The following PID1 variants were observed in gnomAD, a reference collection of about 807,000 sequenced individuals.
PID1 encodes PTB-containing, cubilin and LRP1-interacting protein.
A neutral mutation model predicts 19.1 loss-of-function variants in PID1; 10 were observed. The ratio of observed to expected loss-of-function variants is 0.52; its 90% CI spans 0.32 to 0.89. The LOEUF (loss-of-function observed/expected upper bound fraction) is 0.89, where lower values mean the gene tolerates loss of function less well. PID1 is among the 40% of genes least tolerant of loss of function. The pLI is 0.03. For synonymous variants in PID1, 130 were observed against 116.0 expected, an observed-to-expected ratio of 1.12 and a Z score of -0.78; for missense variants, 248 against 285.3, an observed-to-expected ratio of 0.87 and a Z score of 0.94.
chr2:229,062,255 A>G (rs1264303349), intron 2 of PID1, among the ~76,000 whole-genome samples: 2 of 151,998 alleles, frequency 1.3e-5, no homozygotes, highest in Non-Finnish European at 2.9e-5. Context: ...ATGTGGAGGT[A>G]CATTCCTTCT....
At chr2:229,142,956 G>T (rs112879421) in intron 2 of PID1, among the ~76,000 whole-genome samples, 1 of 147,890 alleles carries the variant, frequency 6.8e-6, no homozygotes, top group Non-Finnish European at 1.5e-5. Context: ...CAAATGTCCA[G>T]CAATGATAGA....
chr2:229,266,645 T>A (rs1690598388), intron 1 of PID1, among the ~76,000 whole-genome samples: 1 of 152,232 alleles, frequency 6.6e-6, no homozygotes, highest in Non-Finnish European at 1.5e-5. Context: ...GGAACCAAAC[T>A]GTCTGGTTCA....
At chr2:229,126,061 C>G (rs993881640) in intron 2 of PID1, among the ~76,000 whole-genome samples, 3 of 152,172 alleles carry the variant, frequency 2.0e-5, no homozygotes, top group African/African-American at 7.2e-5. Flanking sequence ...TCCTTGAAGC[C>G]ATCCCGCAAA....
intron 2 of PID1, among the ~76,000 whole-genome samples, chr2:229,093,767 AAG>A (rs1491112736): frequency 7.7e-4 from 69 of 90,074 alleles, no homozygotes; most frequent in East Asian, 1.4e-3. Context: ...TGATAAAAAA[AAG>A]AACCCCTCAA....
chr2:229,144,249 A>G (rs968804108), intron 2 of PID1, among the ~76,000 whole-genome samples: 2 of 152,158 alleles, frequency 1.3e-5, no homozygotes, highest in Non-Finnish European at 2.9e-5. Context: ...AGCATCCAAC[A>G]CAGCAGAGCA....
intron 2 of PID1, among the ~76,000 whole-genome samples, chr2:229,122,844 C>G (rs2106159769): frequency 6.6e-6 from 1 of 152,224 alleles, no homozygotes; most frequent in East Asian, 1.9e-4. Context: ...AAAAGTTGAT[C>G]ATTGGAACAG....
intron 2 of PID1, among the ~76,000 whole-genome samples, chr2:229,047,960 G>C (rs764470): frequency 6.6e-6 from 1 of 151,994 alleles, no homozygotes; most frequent in South Asian, 2.1e-4. Flanking sequence ...AGGAGAGTCT[G>C]CATAGTAAGA....
chr2:229,117,859 CAGG>C (rs1245401561), intron 2 of PID1, among the ~76,000 whole-genome samples: 1 of 152,116 alleles, frequency 6.6e-6, no homozygotes, highest in Non-Finnish European at 1.5e-5. Context: ...AGTCCTTTTT[CAGG>C]AGACTTCCCT....
At chr2:229,059,316 A>C (rs1694164772) in intron 2 of PID1, among the ~76,000 whole-genome samples, 2 of 152,240 alleles carry the variant, frequency 1.3e-5, no homozygotes, top group Non-Finnish European at 2.9e-5. Context: ...ATGAAAAAAG[A>C]AAAACTAAAG....
At chr2:229,145,322 A>C (rs527737303) in intron 2 of PID1, among the ~76,000 whole-genome samples, 12 of 151,812 alleles carry the variant, frequency 7.9e-5, no homozygotes, top group Middle Eastern at 3.4e-3. Context: ...ACTGGAAACC[A>C]TAAGGCACAT....
At chr2:229,232,269 C>CA (rs1559296044) in intron 1 of PID1, among the ~76,000 whole-genome samples, 1 of 150,992 alleles carries the variant, frequency 6.6e-6, no homozygotes. Flanking sequence ...TAAAAACACA[C>CA]AAAAAAATAA....
intron 2 of PID1, among the ~76,000 whole-genome samples, chr2:229,081,579 T>C (rs1694669651): frequency 1.3e-5 from 2 of 152,120 alleles, no homozygotes; most frequent in Admixed American, 6.5e-5. Flanking sequence ...AGAAGAACCA[T>C]TTGGCAGCAG....
chr2:229,259,940 C>T (rs1690412067), intron 1 of PID1, among the ~76,000 whole-genome samples: 1 of 152,110 alleles, frequency 6.6e-6, no homozygotes, highest in African/African-American at 2.4e-5. Flanking sequence ...GACACTGAAT[C>T]TGCTGGCATC....
In PID1 at chr2:229,037,093, A is replaced by G. The variant is rs181135234; in HGVS notation, c.178-10985T>C. 5.9e-5 allele frequency among the ~76,000 whole-genome samples: 9 copies of G among 152,350 alleles called. No individual in the cohort carries two copies. In the East Asian group the frequency reaches 1.4e-3, roughly 23 times the overall value. ...CAATCTCTAGGGCACATATATGCAC[A>G]TGCCTTGGTTGGGAGATATTTATTT... On this transcript the variant is annotated intron_variant, in intron 2 of 2. Coordinates refer to ENST00000392055, the MANE Select transcript of PID1 (RefSeq NM_001100818.2).
At chr2:229,157,796 T>A (rs1690406879) in intron 1 of PID1, among the ~76,000 whole-genome samples, 1 of 152,196 alleles carries the variant, frequency 6.6e-6, no homozygotes, top group Non-Finnish European at 1.5e-5. Context: ...TATCACATCC[T>A]TTCCCGCTTG....
chr2:229,195,336 T>C (rs762514850), intron 1 of PID1, among the ~76,000 whole-genome samples: 1 of 151,722 alleles, frequency 6.6e-6, no homozygotes, highest in African/African-American at 2.4e-5. Flanking sequence ...AAATGAAGTA[T>C]ATATACACAC....
intron 2 of PID1, among the ~76,000 whole-genome samples, chr2:229,154,188 T>G (rs1690317345): frequency 6.6e-6 from 1 of 152,146 alleles, no homozygotes. Context: ...CTCACTTGCC[T>G]TATTCCACTG....
intron 2 of PID1, among the ~76,000 whole-genome samples, chr2:229,055,463 A>G (rs1373894178): frequency 6.6e-6 from 1 of 152,202 alleles, no homozygotes; most frequent in African/African-American, 2.4e-5. Flanking sequence ...CAGAGGAAAA[A>G]ATACTGTCAG....
chr2:229,096,519 A>G (rs1359352343), intron 2 of PID1, among the ~76,000 whole-genome samples: 1 of 152,204 alleles, frequency 6.6e-6, no homozygotes, highest in East Asian at 1.9e-4. Flanking sequence ...ACCATGTGAC[A>G]TAAAGAAGAC....
Sources: allele counts gnomAD v4.1 joint callset (sites outside exome capture counted in the v4.1 genomes callset), GRCh38; gene constraint gnomAD v4.1.1; transcripts MANE v1.5; gene names NCBI Gene and HGNC (gene_info 2026-07-23, HGNC 2026-07-21).